The following TRMT1L variants were observed in gnomAD, a reference collection of about 807,000 sequenced individuals.
The protein encoded by TRMT1L is tRNA methyltransferase 1L.
In TRMT1L, 28 loss-of-function variants were observed where a neutral mutation model predicts 81.6. That is an observed-to-expected ratio of 0.34 (90% CI 0.25 to 0.47). TRMT1L has a LOEUF of 0.47. Among genes scored for constraint, TRMT1L ranks in the 20% least tolerant of loss-of-function variants. The pLI is 1.00. For missense variants in TRMT1L, 739 were observed against 877.1 expected (o/e 0.84, Z 1.99); for synonymous variants, 301 against 303.2 (o/e 0.99, Z 0.07).
intron 13 of TRMT1L, 45 bp from the exon 14 acceptor site, chr1:185,120,554 A>G (rs775349142): frequency 1.4e-6 from 2 of 1,456,972 alleles, no homozygotes; most frequent in African/African-American, 1.4e-5. Flanking sequence ...AAAAATTACA[A>G]GCCAAATACT....
intron 11 of TRMT1L, 39 bp downstream of exon 11, chr1:185,128,625 TCAATA>T (rs1382489905): frequency 3.2e-6 from 5 of 1,541,112 alleles, no homozygotes; most frequent in Non-Finnish European, 4.5e-6. Flanking sequence ...AATAAATCAA[TCAATA>T]CATCAAATTT....
chr1:185,130,632 A>T (rs1557986077), intron 10 of TRMT1L, among the ~76,000 whole-genome samples: 1 of 152,220 alleles, frequency 6.6e-6, no homozygotes. Flanking sequence ...GTCTGGTTAC[A>T]ATTTTTTAAA....
At chr1:185,136,992 A>G (rs980146453) in intron 10 of TRMT1L, among the ~76,000 whole-genome samples, 3 of 149,310 alleles carry the variant, frequency 2.0e-5, no homozygotes, top group African/African-American at 7.5e-5. Flanking sequence ...TGCAACACAG[A>G]TTAAAAAAAA....
chr1:185,122,403 G>A (rs893565234), intron 13 of TRMT1L, among the ~76,000 whole-genome samples: 1 of 152,080 alleles, frequency 6.6e-6, no homozygotes, highest in Non-Finnish European at 1.5e-5. Context: ...ATTTACTTAT[G>A]AGAAAGGCTC....
chr1:185,143,848 G>A, intron 6 of TRMT1L, 58 bp downstream of exon 6: 2 of 1,445,480 alleles, frequency 1.4e-6, no homozygotes, highest in Non-Finnish European at 9.4e-7. Context: ...AAGGTTAAGA[G>A]AAGGTACACT....
intron 3 of TRMT1L, among the ~76,000 whole-genome samples, chr1:185,148,136 T>C (rs1012373907): frequency 6.6e-6 from 1 of 152,194 alleles, no homozygotes; most frequent in South Asian, 2.1e-4. Context: ...ATATGTATTC[T>C]TTTAGTTACT....
intron 2 of TRMT1L, 51 bp downstream of exon 2, chr1:185,151,774 T>G (rs780212516): frequency 4.1e-6 from 5 of 1,208,964 alleles, no homozygotes; most frequent in Non-Finnish European, 5.8e-6. Context: ...AATTGAAAGA[T>G]GATAAATTAT....
intron 10 of TRMT1L, among the ~76,000 whole-genome samples, chr1:185,133,979 G>A (rs1341139893): frequency 6.6e-6 from 1 of 152,126 alleles, no homozygotes; most frequent in African/African-American, 2.4e-5. Flanking sequence ...GTCCAACGTG[G>A]AAGGGGGAAA....
intron 10 of TRMT1L, chr1:185,137,340 T>C (rs774849240): frequency 2.0e-6 from 1 of 497,056 alleles, no homozygotes; most frequent in Non-Finnish European, 3.6e-6. Context: ...TTCCTAAAAT[T>C]AGTTGAGAGT....
In TRMT1L at chr1:185,151,874, A is replaced by G. The variant is rs2102260137; in HGVS notation, c.297T>C (p.Asp99=). ...ADLENLAFVT[D]GNFDSASSLN... ...ATGAGCTGGCAGAGTCAAAATTTCC[A>G]TCAGTTACAAAAGCTAAATTCTCTA... The change falls in exon 2 of 15, where the codon GAT becomes GAC. Residue 99 remains aspartate (D), a synonymous_variant. Transcript: ENST00000367506. 1 of 1,605,062 alleles carries G rather than the reference A, an allele frequency of 6.2e-7. No individual in the cohort carries two copies. Among genetic ancestry groups the G allele is most frequent in the Non-Finnish European group, 8.5e-7 (1 of 1,176,398 alleles).
chr1:185,127,104 A>AC (rs1652648595), intron 11 of TRMT1L, among the ~76,000 whole-genome samples: 2 of 152,346 alleles, frequency 1.3e-5, no homozygotes, highest in African/African-American at 4.8e-5. Flanking sequence ...GCACTTAAAA[A>AC]CACTGTGCCA....
intron 3 of TRMT1L, among the ~76,000 whole-genome samples, chr1:185,148,101 C>T (rs1653236705): frequency 6.6e-6 from 1 of 152,048 alleles, no homozygotes; most frequent in East Asian, 1.9e-4. Flanking sequence ...AAGATTTAGT[C>T]CTGGATGACT....
chr1:185,153,745 T>C (rs1653423021), intron 1 of TRMT1L, among the ~76,000 whole-genome samples: 1 of 152,108 alleles, frequency 6.6e-6, no homozygotes, highest in Non-Finnish European at 1.5e-5. Context: ...ACTGAATATA[T>C]ATTAAGATTA....
chr1:185,157,484 G>A (rs917802096), upstream of TRMT1L: 1 of 152,666 alleles, frequency 6.6e-6, no homozygotes, highest in East Asian at 1.9e-4. Flanking sequence ...TCCGTGGAGG[G>A]TGTGGTTCTG....
chr1:185,125,309 C>T (rs925419906), intron 11 of TRMT1L, among the ~76,000 whole-genome samples, 199 bp from the exon 12 acceptor site: 38 of 151,728 alleles, frequency 2.5e-4, no homozygotes, highest in Admixed American at 7.9e-4. Context: ...GATAGAGTCC[C>T]GTCCTGTTGC....
chr1:185,142,651 CAA>C (rs71695141), intron 7 of TRMT1L, among the ~76,000 whole-genome samples: 14,298 of 90,668 alleles, frequency 0.16, 822 homozygotes, highest in East Asian at 0.33. Context: ...AGTATTATTG[CAA>C]AAAAAAAAAA....
chr1:185,120,466 C>T lies in TRMT1L; in HGVS notation c.1866G>A (p.Lys622=), dbSNP rs763609238. The change falls in exon 14 of 15, where the codon AAG becomes AAA. Residue 622 remains lysine (K), a synonymous_variant. Coordinates refer to ENST00000367506, the MANE Select transcript of TRMT1L (RefSeq NM_030934.5). Reference sequence around the variant, plus strand: ...GTTCAGTACTGACATCAGTCTTTTGCTTCTTGCCTAAATTTGTGATCATTT... The same window carrying T: ...GTTCAGTACTGACATCAGTCTTTTGTTTCTTGCCTAAATTTGTGATCATTT... The part of the protein sequence containing the change: ...SNEMITNLGK[K]QKTDVSTEHP... The T allele has an allele frequency of 1.2e-6, 2 of 1,600,014 alleles. No homozygotes were observed. The highest frequency in any genetic ancestry group is 1.7e-6 in the Non-Finnish European group (2 of 1,175,028).
At chr1:185,139,231 A>C in intron 9 of TRMT1L, 136 bp downstream of exon 9, 1 of 639,650 alleles carries the variant, frequency 1.6e-6, no homozygotes, top group Non-Finnish European at 2.5e-6. Context: ...ACGTAAGATT[A>C]AAAACCAGTA....
At chr1:185,141,880 T>C (rs1653060109) in intron 7 of TRMT1L, among the ~76,000 whole-genome samples, 2 of 152,092 alleles carry the variant, frequency 1.3e-5, no homozygotes, top group African/African-American at 4.8e-5. Flanking sequence ...TTCAGAGGAA[T>C]AGCTGTTTAG....
Sources: gnomAD v4.1 joint callset for allele counts (sites outside exome capture counted in the v4.1 genomes callset) on GRCh38, gnomAD v4.1.1 for gene constraint, MANE v1.5 for transcripts, NCBI Gene and HGNC (gene_info 2026-07-23, HGNC 2026-07-21) for gene names.